Variants in FGGY observed in about 807,000 individuals in gnomAD.
The protein encoded by FGGY is FGGY carbohydrate kinase domain-containing protein.
In FGGY, 72 loss-of-function variants were observed where a neutral mutation model predicts 71.3. That is an observed-to-expected ratio of 1.01 (90% CI 0.84 to 1.23). FGGY has a LOEUF of 1.23. Ranked by LOEUF, FGGY falls within the 50% of genes most tolerant of loss-of-function variation. The pLI is 0.00. For missense variants in FGGY, 668 were observed against 682.3 expected (o/e 0.98, Z 0.23); for synonymous variants, 251 against 250.3 (o/e 1.00, Z -0.02).
At chr1:59,604,363 G>A (rs755825040) in intron 8 of FGGY, among the ~76,000 whole-genome samples, 9 of 152,190 alleles carry the variant, frequency 5.9e-5, no homozygotes, top group Non-Finnish European at 8.8e-5. Context: ...AGAACACAGG[G>A]TTTGAGAGTG....
rs558271882 is a variant in FGGY, at chr1:59,695,520, T to C, written c.1512+21387T>C. On this transcript the variant is annotated intron_variant, in intron 14 of 15. Transcript: ENST00000303721. ...TAAGTGGTCATTACGACCTAATGAG[T>C]TCCTACTCAATGAGTCAGGCACTGT... Among the ~76,000 whole-genome samples the C allele has an allele frequency of 5.3e-5, 8 of 152,298 alleles. No individual in the cohort carries two copies. The East Asian group carries it at 1.5e-3, about 29-fold the overall frequency.
intron 6 of FGGY, among the ~76,000 whole-genome samples, chr1:59,505,319 G>A (rs1372772179): frequency 6.6e-6 from 1 of 152,186 alleles, no homozygotes; most frequent in Non-Finnish European, 1.5e-5. Context: ...ACAGTGCTTG[G>A]CTCGTATCAG....
chr1:59,558,893 A>G (rs928608403), intron 8 of FGGY, among the ~76,000 whole-genome samples: 19 of 152,130 alleles, frequency 1.2e-4, no homozygotes, highest in Admixed American at 1.2e-3. Context: ...TTGCTGGGAA[A>G]ATAATTTAGC....
intron 10 of FGGY, among the ~76,000 whole-genome samples, chr1:59,630,478 G>A (rs2096898571): frequency 6.6e-6 from 1 of 152,082 alleles, no homozygotes; most frequent in Admixed American, 6.6e-5. Context: ...TGCCCTGAAT[G>A]TCTCAATGAC....
At chr1:59,741,132 TTAAAAA>T (rs1284638581) in intron 14 of FGGY, among the ~76,000 whole-genome samples, 2 of 152,184 alleles carry the variant, frequency 1.3e-5, no homozygotes, top group Non-Finnish European at 2.9e-5. Context: ...ACCTTTCATC[TTAAAAA>T]TAAAATCCCT....
In FGGY at chr1:59,483,170, A is replaced by G. The variant is rs12060566; in HGVS notation, c.670+26094A>G. Reference sequence around the variant, plus strand: ...ATACTTCATTGGTGTGTGACCAAAAATACTGCTTCTTCATGGAGTGACTTT... The same window carrying G: ...ATACTTCATTGGTGTGTGACCAAAAGTACTGCTTCTTCATGGAGTGACTTT... On this transcript the variant is annotated intron_variant, in intron 6 of 15. Coordinates refer to ENST00000303721, the MANE Select transcript of FGGY (RefSeq NM_018291.5). Among the ~76,000 whole-genome samples, 1,505 of 152,276 alleles carry G rather than the reference A, an allele frequency of 9.9e-3. 23 individuals carry two copies. Among genetic ancestry groups the G allele is most frequent in the African/African-American group, 0.034 (1,420 of 41,554 alleles).
At chr1:59,562,823 G>A (rs898174739) in intron 8 of FGGY, among the ~76,000 whole-genome samples, 7 of 152,060 alleles carry the variant, frequency 4.6e-5, no homozygotes, top group African/African-American at 1.7e-4. Context: ...TCTTGATTGT[G>A]GTAATAACTT....
chr1:59,616,279 T>C (rs1357973592), intron 9 of FGGY, among the ~76,000 whole-genome samples: 1 of 152,196 alleles, frequency 6.6e-6, no homozygotes, highest in East Asian at 1.9e-4. Context: ...ATGTGGCACA[T>C]ATACACCATG....
At chr1:59,686,273 C>G (rs1473691610) in intron 14 of FGGY, among the ~76,000 whole-genome samples, 1 of 152,132 alleles carries the variant, frequency 6.6e-6, no homozygotes, top group African/African-American at 2.4e-5. Context: ...GTGTTACTGA[C>G]CTAGGAGTGT....
At chr1:59,354,788 C>G (rs1307306623) in intron 4 of FGGY, among the ~76,000 whole-genome samples, 1 of 152,158 alleles carries the variant, frequency 6.6e-6, no homozygotes, top group Non-Finnish European at 1.5e-5. Context: ...TAGACACACA[C>G]AAAGTAATTT....
At chr1:59,643,812 G>A (rs946535266) in intron 11 of FGGY, among the ~76,000 whole-genome samples, 2 of 152,152 alleles carry the variant, frequency 1.3e-5, no homozygotes, top group African/African-American at 4.8e-5. Flanking sequence ...GTCAGAAGCT[G>A]GCACCAAATA....
At chr1:59,552,199 G>A in intron 7 of FGGY, among the ~76,000 whole-genome samples, 1 of 152,198 alleles carries the variant, frequency 6.6e-6, no homozygotes, top group Non-Finnish European at 1.5e-5. Flanking sequence ...TGGAGGGGAA[G>A]CAGCTGCTGC....
At chr1:59,396,964 G>T (rs2061398328) in intron 5 of FGGY, among the ~76,000 whole-genome samples, 1 of 151,486 alleles carries the variant, frequency 6.6e-6, no homozygotes, top group Admixed American at 6.6e-5. Flanking sequence ...GTATTCCAAG[G>T]ATCGAAATTC....
chr1:59,684,834 C>T (rs2097532005), intron 14 of FGGY, among the ~76,000 whole-genome samples: 1 of 152,196 alleles, frequency 6.6e-6, no homozygotes, highest in South Asian at 2.1e-4. Flanking sequence ...ATCTCAGTTC[C>T]ATATTAACTG....
intron 4 of FGGY, among the ~76,000 whole-genome samples, chr1:59,357,384 T>C (rs537390100): frequency 2.7e-4 from 41 of 152,348 alleles, no homozygotes; most frequent in Non-Finnish European, 4.3e-4. Context: ...TGGCAGACTT[T>C]CATAAATATT....
At chr1:59,477,394 G>T (rs1331372209) in intron 6 of FGGY, among the ~76,000 whole-genome samples, 1 of 152,118 alleles carries the variant, frequency 6.6e-6, no homozygotes, top group Non-Finnish European at 1.5e-5. Context: ...GCAGTGGTCA[G>T]GGTGGCAGGT....
rs144112740 is a variant in FGGY at position 59,748,293 on chromosome 1, G to A, written c.1513-9638G>A. The stretch of plus-strand genomic sequence containing the variant: ...TAAAAATATAATTTCAGATGATGAT[G>A]TGCTATCAAGGGTTATGAGGAAAAG... On this transcript the variant is annotated intron_variant, in intron 14 of 15. Transcript: ENST00000303721. Among the ~76,000 whole-genome samples the A allele has an allele frequency of 1.6e-3, 237 of 152,200 alleles. 1 individual carries two copies. The highest frequency in any genetic ancestry group is 5.2e-3 in the Admixed American group (79 of 15,278).
intron 8 of FGGY, among the ~76,000 whole-genome samples, chr1:59,573,554 G>T (rs1226223872): frequency 6.6e-6 from 1 of 151,942 alleles, no homozygotes; most frequent in African/African-American, 2.4e-5. Context: ...GAAAATCTAG[G>T]TGAATATTAT....
At chr1:59,596,862 T>C (rs1460512405) in intron 8 of FGGY, among the ~76,000 whole-genome samples, 1 of 152,146 alleles carries the variant, frequency 6.6e-6, no homozygotes, top group Non-Finnish European at 1.5e-5. Context: ...TTTCAGACCC[T>C]CTCTCTTCAG....
Sources: gnomAD v4.1 joint callset for allele counts (sites outside exome capture counted in the v4.1 genomes callset) on GRCh38, gnomAD v4.1.1 for gene constraint, MANE v1.5 for transcripts, NCBI Gene and HGNC (gene_info 2026-07-23, HGNC 2026-07-21) for gene names.